Variants in PGD observed in about 807,000 individuals in gnomAD.
PGD encodes phosphogluconate dehydrogenase.
A neutral mutation model predicts 60.4 loss-of-function variants in PGD; 21 were observed. The ratio of observed to expected loss-of-function variants is 0.35; its 90% confidence interval spans 0.25 to 0.50. The LOEUF is 0.50. PGD is among the 20% of genes least tolerant of loss of function. The pLI, the probability that PGD is intolerant of heterozygous loss-of-function variation, is 0.98. For missense variants in PGD, 477 were observed against 613.1 expected (o/e 0.78, Z 2.34); for synonymous variants, 230 against 235.9 (o/e 0.97, Z 0.23).
At chr1:10,401,741 C>T (rs561374410) in intron 3 of PGD, among the ~76,000 whole-genome samples, 32 of 152,262 alleles carry the variant, frequency 2.1e-4, no homozygotes, top group East Asian at 1.9e-3. Context: ...CCAGGCTGGG[C>T]GCGGTGGCTC....
chr1:10,413,018 C>G (rs1462221160), intron 7 of PGD, 44 bp from the exon 8 acceptor site: 1 of 1,545,092 alleles, frequency 6.5e-7, no homozygotes, highest in Non-Finnish European at 8.9e-7. Context: ...CCTTGCTCAG[C>G]CCTCATTCCT....
Position 10,413,272 on chromosome 1 carries a change from TG to T in PGD, c.844+24del, listed in dbSNP as rs1170927462. On this transcript the variant is annotated intron_variant, in intron 8 of 12. Coordinates refer to ENST00000270776, the MANE Select transcript of PGD (RefSeq NM_002631.4). ...CATTGGTAATGTTATGCTTTTCACATGGGCCCTTTCGTCCACTATTCTGATC... is the reference window on the plus strand; with the variant it reads ...CATTGGTAATGTTATGCTTTTCACATGGCCCTTTCGTCCACTATTCTGATC... The T allele has an allele frequency of 1.9e-6, 3 of 1,605,714 alleles. No homozygotes were observed. The Admixed American group carries it at 5.0e-5, about 27-fold the overall frequency.
intron 3 of PGD, among the ~76,000 whole-genome samples, chr1:10,402,794 A>G (rs1639337303): frequency 6.6e-6 from 1 of 152,020 alleles, no homozygotes; most frequent in Admixed American, 6.6e-5. Flanking sequence ...AAGTGCTGGG[A>G]TAACAGGCGT....
At chr1:10,400,845 T>C (rs1639304021) in intron 3 of PGD, among the ~76,000 whole-genome samples, 2 of 152,134 alleles carry the variant, frequency 1.3e-5, no homozygotes, top group South Asian at 4.2e-4. Context: ...ATCCCAGCAC[T>C]TTTTGGGAGG....
intron 5 of PGD, among the ~76,000 whole-genome samples, chr1:10,407,783 A>G (rs1639431944): frequency 6.6e-6 from 1 of 151,944 alleles, no homozygotes; most frequent in Admixed American, 6.6e-5. Context: ...CCATCTCTAC[A>G]AAATCCAAAA....
intron 5 of PGD, among the ~76,000 whole-genome samples, chr1:10,404,818 A>G (rs1039391452): frequency 6.6e-6 from 1 of 152,190 alleles, no homozygotes; most frequent in East Asian, 1.9e-4. Context: ...GGCTTTAAGG[A>G]AGCAGTTTAG....
At chr1:10,406,392 AAAAAAAAAGGTTTG>A (rs1639404945) in intron 5 of PGD, among the ~76,000 whole-genome samples, 1 of 152,140 alleles carries the variant, frequency 6.6e-6, no homozygotes, top group African/African-American at 2.4e-5. Context: ...TCTTAAGAAA[AAAAAAAAAGGTTTG>A]AAAATACTTA....
chr1:10,419,613 ACT>A lies in PGD; in HGVS notation c.1333-11_1333-10del, dbSNP rs1481875992. 35 of 1,613,638 alleles carry A rather than the reference ACT, an allele frequency of 2.2e-5. No homozygotes were observed. Among genetic ancestry groups the A allele is most frequent in the Non-Finnish European group, 3.0e-5 (35 of 1,179,860 alleles). On this transcript the variant is annotated splice_polypyrimidine_tract_variant and intron_variant, in intron 12 of 12. Coordinates refer to ENST00000270776, the MANE Select transcript of PGD (RefSeq NM_002631.4). ...CGCCATGGACTGTCCTGACCAACCT[ACT>A]CTCTCGTTTCCTAGGCTCAGCGGGA...
chr1:10,416,850 T>A (rs1490915170), intron 8 of PGD, 137 bp from the exon 9 acceptor site: 1 of 682,254 alleles, frequency 1.5e-6, no homozygotes, highest in Non-Finnish European at 2.4e-6. Context: ...AACCAGCCAT[T>A]TTCACTTCTT....
chr1:10,410,614 T>C (rs1313896521), intron 6 of PGD, among the ~76,000 whole-genome samples: 3 of 152,088 alleles, frequency 2.0e-5, no homozygotes, highest in Non-Finnish European at 4.4e-5. Flanking sequence ...GAGAGTTTGA[T>C]GCCATGAACT....
At chr1:10,414,733 G>A (rs1457182945) in intron 8 of PGD, among the ~76,000 whole-genome samples, 13 of 151,994 alleles carry the variant, frequency 8.6e-5, no homozygotes, top group Admixed American at 6.6e-5. Context: ...AAAGGAGAAC[G>A]AAGGATGCCT....
chr1:10,399,718 G>T lies in PGD; in HGVS notation c.84+14G>T, dbSNP rs746039901. 6 of 1,613,046 alleles carry T rather than the reference G, an allele frequency of 3.7e-6. No homozygotes were observed. The East Asian group carries it at 1.3e-4, about 36-fold the overall frequency. ...CACGGCTTTGTGGTAAGCGGCGTGGGCGCGTTGTCTTCTCTCTGGTTCCCG... is the reference window on the plus strand; with the variant it reads ...CACGGCTTTGTGGTAAGCGGCGTGGTCGCGTTGTCTTCTCTCTGGTTCCCG... On this transcript the variant is annotated intron_variant, in intron 2 of 12. Transcript: ENST00000270776.
chr1:10,404,841 G>T (rs546944560), intron 5 of PGD, among the ~76,000 whole-genome samples: 3 of 152,284 alleles, frequency 2.0e-5, no homozygotes, highest in South Asian at 2.1e-4. Flanking sequence ...AATGTTCTGT[G>T]CAATGTCTGG....
intron 7 of PGD, among the ~76,000 whole-genome samples, chr1:10,412,028 A>C (rs1557763585): frequency 6.6e-6 from 1 of 152,084 alleles, no homozygotes; most frequent in Non-Finnish European, 1.5e-5. Context: ...CTGGATACAC[A>C]CCTCCTCCTT....
chr1:10,399,105 T>A lies in PGD; in HGVS notation c.-13T>A, dbSNP rs754394682. 2 of 1,609,746 alleles carry A rather than the reference T, an allele frequency of 1.2e-6. No individual in the cohort carries two copies. Among genetic ancestry groups the A allele is most frequent in the Non-Finnish European group, 1.7e-6 (2 of 1,179,714 alleles). On this transcript the variant is annotated 5_prime_UTR_variant, in exon 1 of 13. Transcript: ENST00000270776. ...GCGCGTCGCCGCTCTTCGGTTCTGC[T>A]CTGTCCGCCGCCATGGCCCAGTGAG...
At chr1:10,409,196 C>A (rs1194680131) in intron 6 of PGD, among the ~76,000 whole-genome samples, 2 of 152,130 alleles carry the variant, frequency 1.3e-5, no homozygotes, top group African/African-American at 4.8e-5. Flanking sequence ...TATATGAAAT[C>A]AATGCTGAGG....
rs767545794 is a variant in PGD at position 10,405,390 on chromosome 1, C to T, written c.449+1111C>T. Among the ~76,000 whole-genome samples, 38 of 55,006 alleles carry T rather than the reference C, an allele frequency of 6.9e-4. 1 individual carries two copies. In the South Asian group the frequency reaches 8.4e-3, roughly 12 times the overall value. The allele number at this position is 55,006 out of a possible 152,430, so 36.1% of individuals were successfully genotyped here. ...GTTTCAAAAACAAAACAAAACAAAA[C>T]AAACAAAAAATACACACACACACAC... On this transcript the variant is annotated intron_variant, in intron 5 of 12. Coordinates refer to ENST00000270776, the MANE Select transcript of PGD (RefSeq NM_002631.4).
intron 12 of PGD, 40 bp downstream of exon 12, chr1:10,419,579 G>C (rs560262109): frequency 6.2e-7 from 1 of 1,613,800 alleles, no homozygotes; most frequent in Non-Finnish European, 8.5e-7. Context: ...CTGGCCCCTC[G>C]GGGGCGTGCG....
chr1:10,399,388 C>G (rs1395298495), intron 1 of PGD: 4 of 509,686 alleles, frequency 7.8e-6, no homozygotes, highest in Non-Finnish European at 1.3e-5. Flanking sequence ...CAGGCCTCGC[C>G]GAGTCTGCAG....
Sources: gnomAD v4.1 joint callset for allele counts (sites outside exome capture counted in the v4.1 genomes callset) on GRCh38, gnomAD v4.1.1 for gene constraint, MANE v1.5 for transcripts, NCBI Gene and HGNC (gene_info 2026-07-23, HGNC 2026-07-21) for gene names.